The following SCN11A variants were observed in gnomAD, a reference collection of about 807,000 sequenced individuals.
SCN11A encodes sodium voltage-gated channel alpha subunit 11.
SCN11A carries 122 observed loss-of-function variants against 162.2 expected under a neutral mutation model. The observed-to-expected ratio is 0.75, with a 90% confidence interval of 0.65 to 0.87. The LOEUF (loss-of-function observed/expected upper bound fraction) is 0.87, where lower values mean the gene tolerates loss of function less well. Ranked by LOEUF, SCN11A falls within the 40% of genes least tolerant of loss-of-function variation. The probability of loss-of-function intolerance (pLI) is 0.00; values close to 1 mark genes in which losing one functional copy is unlikely to be tolerated. For missense variants in SCN11A, 2,015 were observed against 2,181.6 expected (o/e 0.92, Z 1.52); for synonymous variants, 758 against 751.5 (o/e 1.01, Z -0.14).
At chr3:38,952,102 C>T (rs1390641428) in intron 4 of SCN11A, among the ~76,000 whole-genome samples, 2 of 152,046 alleles carry the variant, frequency 1.3e-5, no homozygotes, top group African/African-American at 2.4e-5. Flanking sequence ...AGCAAGACCA[C>T]GAGCCCACCA....
chr3:39,020,847 C>G (rs976109121), intron 2 of SCN11A, among the ~76,000 whole-genome samples: 1 of 151,994 alleles, frequency 6.6e-6, no homozygotes, highest in Admixed American at 6.6e-5. Flanking sequence ...GCTCTCAATT[C>G]TCATTTCATA....
At chr3:38,970,157 C>T (rs1012638179) in intron 2 of SCN11A, among the ~76,000 whole-genome samples, 7 of 152,152 alleles carry the variant, frequency 4.6e-5, no homozygotes, top group African/African-American at 1.7e-4. Context: ...ACTGCACAGC[C>T]CATAGCAAGA....
At chr3:38,876,529 C>T (rs1164871698) in intron 23 of SCN11A, among the ~76,000 whole-genome samples, 1 of 151,988 alleles carries the variant, frequency 6.6e-6, no homozygotes, top group Non-Finnish European at 1.5e-5. Flanking sequence ...ACAAATAATT[C>T]TATCCAAAAG....
intron 10 of SCN11A, among the ~76,000 whole-genome samples, 198 bp downstream of exon 10, chr3:38,920,878 C>A (rs562918094): frequency 6.6e-6 from 1 of 152,222 alleles, no homozygotes; most frequent in African/African-American, 2.4e-5. Context: ...GGTTTCAAGA[C>A]TTTCCTTCTC....
At chr3:38,949,242 ATCT>A (rs2066563402) in intron 5 of SCN11A, among the ~76,000 whole-genome samples, 1 of 152,122 alleles carries the variant, frequency 6.6e-6, no homozygotes, top group Non-Finnish European at 1.5e-5. Flanking sequence ...TGATGGCAAA[ATCT>A]TCTGAGCCTT....
chr3:39,022,660 T>C (rs1477857283), intron 2 of SCN11A, among the ~76,000 whole-genome samples: 1 of 152,094 alleles, frequency 6.6e-6, no homozygotes, highest in African/African-American at 2.4e-5. Context: ...GGCTGGTGGA[T>C]TGCTTGAGTC....
chr3:38,890,577 A>G (rs538462762), intron 19 of SCN11A, among the ~76,000 whole-genome samples: 2 of 152,394 alleles, frequency 1.3e-5, no homozygotes, highest in East Asian at 1.9e-4. Flanking sequence ...CTTAAAAGCT[A>G]TCACTTCCTG....
At position 38,960,323 on chromosome 3, in the gene SCN11A, G is replaced by A. The variant is rs146527334; in HGVS notation, c.-179C>T. ...GGTGGCTCCAGACAGCAATCCCAGC[G>A]ATACTTCTTGAAGCTCTCCACAGAG... On this transcript the variant is annotated 5_prime_UTR_variant, in exon 3 of 30. Transcript: ENST00000302328. Among the ~76,000 whole-genome samples the A allele has an allele frequency of 1.6e-4, 25 of 152,288 alleles. No homozygotes were observed. The highest frequency in any genetic ancestry group is 5.3e-4 in the African/African-American group (22 of 41,570).
At chr3:39,008,258 T>C (rs2031030490) in intron 2 of SCN11A, among the ~76,000 whole-genome samples, 2 of 152,146 alleles carry the variant, frequency 1.3e-5, no homozygotes, top group Non-Finnish European at 2.9e-5. Context: ...CAAATTATTA[T>C]ATTAATTCAG....
chr3:38,999,515 G>A (rs2030744668), intron 2 of SCN11A, among the ~76,000 whole-genome samples: 1 of 151,992 alleles, frequency 6.6e-6, no homozygotes. Context: ...CATCATCTTT[G>A]TTAATTTTCT....
intron 1 of SCN11A, among the ~76,000 whole-genome samples, chr3:39,043,741 A>G (rs1575372008): frequency 1.3e-5 from 2 of 152,312 alleles, no homozygotes; most frequent in Non-Finnish European, 2.9e-5. Flanking sequence ...AAAATTAGAA[A>G]GAATAAATAA....
chr3:38,992,928 G>A (rs1232132325), intron 2 of SCN11A, among the ~76,000 whole-genome samples: 5 of 152,044 alleles, frequency 3.3e-5, no homozygotes, highest in South Asian at 4.1e-4. Context: ...AGCTTCCTAC[G>A]CCACTCTCCT....
chr3:38,923,466 C>T (rs1553641135), intron 9 of SCN11A, among the ~76,000 whole-genome samples: 7 of 152,210 alleles, frequency 4.6e-5, no homozygotes, highest in Non-Finnish European at 1.0e-4. Context: ...TCAAAGCTAG[C>T]TTGTAATCTG....
intron 2 of SCN11A, among the ~76,000 whole-genome samples, chr3:39,000,547 C>A (rs2030777737): frequency 6.6e-6 from 1 of 152,182 alleles, no homozygotes; most frequent in Non-Finnish European, 1.5e-5. Context: ...TTACTTTCTT[C>A]TGTGCTTTTA....
chr3:38,907,827 G>A (rs2065823118), intron 14 of SCN11A, 122 bp downstream of exon 14: 3 of 825,830 alleles, frequency 3.6e-6, no homozygotes, highest in Non-Finnish European at 3.8e-6. Flanking sequence ...ATGAAAGTAT[G>A]TGCAAATGGA....
chr3:38,907,357 TACAC>T (rs376599495), intron 14 of SCN11A, among the ~76,000 whole-genome samples: 3,479 of 128,446 alleles, frequency 0.027, 72 homozygotes, highest in South Asian at 0.055. Flanking sequence ...TATCTATATA[TACAC>T]ACACACACAC....
Position 38,902,055 on chromosome 3 carries a change from A to G in SCN11A, c.1842+1810T>C, listed in dbSNP as rs555766654. 6.6e-5 allele frequency among the ~76,000 whole-genome samples: 10 copies of G among 152,344 alleles called. No individual in the cohort carries two copies. In the South Asian group the frequency reaches 1.9e-3, roughly 28 times the overall value. On this transcript the variant is annotated intron_variant, in intron 16 of 29. Transcript: ENST00000302328. ...TAAATTTGGACCAGCAGATGAAAAC[A>G]GATCACCACTGCAATTGGGAAGCCC...
At chr3:38,975,865 A>G (rs1224977367) in intron 2 of SCN11A, among the ~76,000 whole-genome samples, 16 of 152,170 alleles carry the variant, frequency 1.1e-4, no homozygotes. Context: ...TAGAGTTTCA[A>G]TTTGGGAAGA....
chr3:38,903,367 G>A (rs2065734732), intron 16 of SCN11A, among the ~76,000 whole-genome samples: 1 of 152,090 alleles, frequency 6.6e-6, no homozygotes, highest in South Asian at 2.1e-4. Flanking sequence ...CTCAAGTCTG[G>A]AAATTCACCC....
Sources: gnomAD v4.1 joint callset for allele counts (sites outside exome capture counted in the v4.1 genomes callset) on GRCh38, gnomAD v4.1.1 for gene constraint, MANE v1.5 for transcripts, NCBI Gene and HGNC (gene_info 2026-07-23, HGNC 2026-07-21) for gene names.